The following RAPGEF5 variants were observed in gnomAD, a reference collection of about 807,000 sequenced individuals.
The protein encoded by RAPGEF5 is Rap guanine nucleotide exchange factor 5, also known as M-Ras-regulated GEF.
Under a neutral mutation model 125.2 loss-of-function variants are expected in RAPGEF5, and 65 were observed. The observed-to-expected ratio is 0.52, with a 90% CI of 0.43 to 0.64. The LOEUF is 0.64. RAPGEF5 is among the 30% of genes least tolerant of loss of function. RAPGEF5 has a pLI of 0.00. For synonymous variants in RAPGEF5, 391 were observed against 385.9 expected, an observed-to-expected ratio of 1.01 and a Z score of -0.16; for missense variants, 958 against 1,048.1, an observed-to-expected ratio of 0.91 and a Z score of 1.19.
intron 9 of RAPGEF5, among the ~76,000 whole-genome samples, chr7:22,211,953 CAT>C (rs1212202849): frequency 1.5e-5 from 2 of 137,864 alleles, no homozygotes; most frequent in South Asian, 2.4e-4. Context: ...TGTGTTATCA[CAT>C]GTGTTCTCTT....
chr7:22,325,772 C>T (rs1181470259), intron 1 of RAPGEF5, among the ~76,000 whole-genome samples: 1 of 152,106 alleles, frequency 6.6e-6, no homozygotes. Context: ...CTATGTTGCC[C>T]AGGCTAGTCT....
At chr7:22,343,636 G>T (rs1375052905) in intron 1 of RAPGEF5, among the ~76,000 whole-genome samples, 1 of 152,198 alleles carries the variant, frequency 6.6e-6, no homozygotes, top group Non-Finnish European at 1.5e-5. Context: ...GCTTCATGGT[G>T]AGGTTACTGT....
At chr7:22,351,687 T>C (rs1003101691) in intron 1 of RAPGEF5, among the ~76,000 whole-genome samples, 2 of 152,248 alleles carry the variant, frequency 1.3e-5, no homozygotes, top group Non-Finnish European at 2.9e-5. Context: ...ATGTTAGCCA[T>C]TGATTTCAAT....
intron 7 of RAPGEF5, among the ~76,000 whole-genome samples, chr7:22,236,502 G>A (rs1485493362): frequency 6.6e-6 from 1 of 152,094 alleles, no homozygotes; most frequent in Non-Finnish European, 1.5e-5. Flanking sequence ...TCCTGCTCCT[G>A]GGATATTTCA....
chr7:22,275,771 C>T (rs957489357), intron 6 of RAPGEF5, among the ~76,000 whole-genome samples: 1 of 152,170 alleles, frequency 6.6e-6, no homozygotes, highest in African/African-American at 2.4e-5. Flanking sequence ...TGCAGTTGAA[C>T]AGCTGGTGAT....
At chr7:22,344,679 G>C (rs1431028205) in intron 1 of RAPGEF5, among the ~76,000 whole-genome samples, 1 of 152,248 alleles carries the variant, frequency 6.6e-6, no homozygotes, top group Non-Finnish European at 1.5e-5. Flanking sequence ...GAACAGGGAA[G>C]GGCAGAGAGG....
chr7:22,345,088 A>G (rs1784197303), intron 1 of RAPGEF5, among the ~76,000 whole-genome samples: 1 of 152,190 alleles, frequency 6.6e-6, no homozygotes, highest in Admixed American at 6.5e-5. Flanking sequence ...GCCCTGGAAT[A>G]TGTGTTTTAA....
intron 9 of RAPGEF5, 21 bp downstream of exon 9, chr7:22,219,845 C>T (rs1785736143): frequency 6.3e-7 from 1 of 1,578,560 alleles, no homozygotes; most frequent in Non-Finnish European, 8.7e-7. Context: ...AACCTGCATC[C>T]CCAAGAGGCA....
At chr7:22,187,281 C>G (rs1181373435) in intron 11 of RAPGEF5, among the ~76,000 whole-genome samples, 2 of 152,038 alleles carry the variant, frequency 1.3e-5, no homozygotes, top group Non-Finnish European at 2.9e-5. Flanking sequence ...CCCTTTGAAT[C>G]AAAGGGTTTT....
At chr7:22,316,976 T>TAAA (rs769310401) in intron 2 of RAPGEF5, among the ~76,000 whole-genome samples, 2 of 125,516 alleles carry the variant, frequency 1.6e-5, no homozygotes, top group Non-Finnish European at 1.7e-5. Context: ...TAAAACTATT[T>TAAA]AAAAAAAAAA....
In RAPGEF5 at chr7:22,162,342, C is replaced by T. The variant is rs28575751; in HGVS notation, c.1428+55G>A. On this transcript the variant is annotated intron_variant, in intron 13 of 25. Transcript: ENST00000665637. ...CAAATGAGATTTTTAAAATGCATAA[C>T]TAAAAATAGAATCAGTTATTTGGCA... 1,656 of 1,492,554 alleles carry T rather than the reference C, an allele frequency of 1.1e-3. 21 individuals are homozygous for T. The African/African-American group carries it at 0.021, about 19-fold the overall frequency. The allele number at this position is 1,492,554 out of a possible 1,614,324, so 92.5% of individuals were successfully genotyped here. A position where few individuals can be genotyped will look rare whatever the true frequency, so the allele number is the denominator to read the frequency against.
chr7:22,294,976 ACAAT>A (rs1452137940), intron 5 of RAPGEF5, among the ~76,000 whole-genome samples: 1 of 152,254 alleles, frequency 6.6e-6, no homozygotes, highest in African/African-American at 2.4e-5. Flanking sequence ...TGTGATTAGC[ACAAT>A]CAAATTTATT....
intron 19 of RAPGEF5, among the ~76,000 whole-genome samples, chr7:22,146,042 T>C (rs1182717006): frequency 3.3e-5 from 5 of 152,012 alleles, no homozygotes. Flanking sequence ...TAAGCAGGGA[T>C]ATATCCCAGT....
Position 22,356,976 on chromosome 7 carries a change from C to T in RAPGEF5, c.85G>A (p.Asp29Asn). The change falls in exon 1 of 26, where the codon GAC becomes AAC. Residue 29 changes from aspartate (D) to asparagine (N), a missense_variant. Transcript: ENST00000665637. ...LAAAAAVVAA[D>N]GPLRRSPSAR... Reference sequence around the variant, plus strand: ...CTGGGGCTGCGGCGCAGGGGGCCGTCTGCCGCCACCACCGCCGCCGCGGCG... The same window carrying T: ...CTGGGGCTGCGGCGCAGGGGGCCGTTTGCCGCCACCACCGCCGCCGCGGCG... 9.7e-7 allele frequency: 1 copy of T among 1,029,416 alleles called. No individual in the cohort carries two copies. The highest frequency in any genetic ancestry group is 1.2e-6 in the Non-Finnish European group (1 of 860,770). 63.8% of individuals were successfully genotyped at this position (1,029,416 alleles called of 1,614,324 possible). A position where few individuals can be genotyped will look rare whatever the true frequency, so the allele number is the denominator to read the frequency against.
At chr7:22,154,653 G>C (rs1783742979) in intron 16 of RAPGEF5, 49 bp from the exon 17 acceptor site, 1 of 1,570,770 alleles carries the variant, frequency 6.4e-7, no homozygotes. Context: ...GTGGTCACGA[G>C]GTATAGACTT....
intron 9 of RAPGEF5, among the ~76,000 whole-genome samples, chr7:22,218,766 A>G (rs1397965782): frequency 6.6e-6 from 1 of 152,224 alleles, no homozygotes; most frequent in East Asian, 1.9e-4. Context: ...AGCAAAGTGA[A>G]GGTTGCCTGA....
At chr7:22,269,071 C>CT (rs1476345219) in intron 6 of RAPGEF5, among the ~76,000 whole-genome samples, 1 of 150,128 alleles carries the variant, frequency 6.7e-6, no homozygotes, top group Non-Finnish European at 1.5e-5. Context: ...CTGTACTGTA[C>CT]TACACTACAT....
intron 1 of RAPGEF5, among the ~76,000 whole-genome samples, chr7:22,345,470 C>T (rs151032009): frequency 9.2e-4 from 140 of 152,184 alleles, no homozygotes; most frequent in African/African-American, 3.1e-3. Context: ...GATTCACAGA[C>T]GGTGAGGCCG....
In RAPGEF5 at chr7:22,118,689, G is replaced by A. The variant is rs1282699439; in HGVS notation, c.*3717C>T. ...AATGCAAGCTGACAATATCACAGCAGCCCTAATTAATGATACATTAAAAGG... is the reference window on the plus strand; with the variant it reads ...AATGCAAGCTGACAATATCACAGCAACCCTAATTAATGATACATTAAAAGG... On this transcript the variant is annotated 3_prime_UTR_variant, in exon 26 of 26. Transcript: ENST00000665637. 6.6e-6 allele frequency: 1 copy of A among 152,546 alleles called. No individual in the cohort carries two copies. Among genetic ancestry groups the A allele is most frequent in the East Asian group, 1.9e-4 (1 of 5,200 alleles). The allele number at this position is 152,546 out of a possible 1,614,324, so 9.4% of individuals were successfully genotyped here.
Sources: allele counts gnomAD v4.1 joint callset (sites outside exome capture counted in the v4.1 genomes callset), GRCh38; gene constraint gnomAD v4.1.1; transcripts MANE v1.5; gene names NCBI Gene and HGNC (gene_info 2026-07-23, HGNC 2026-07-21).